The following ZNF578 variants were observed in gnomAD, a reference collection of about 807,000 sequenced individuals.
ZNF578 encodes zinc finger protein 578.
ZNF578 carries 8 observed loss-of-function variants against 8.3 expected under a neutral mutation model. The ratio of observed to expected loss-of-function variants is 0.96; its 90% CI spans 0.56 to 1.74. The LOEUF is 1.74. ZNF578 is among the 40% of genes most tolerant of loss of function. The probability of loss-of-function intolerance (pLI) is 0.00; values close to 1 mark genes in which losing one functional copy is unlikely to be tolerated. For missense variants in ZNF578, 726 were observed against 707.5 expected (o/e 1.03, Z -0.30); for synonymous variants, 206 against 232.2 (o/e 0.89, Z 1.03).
intron 2 of ZNF578, among the ~76,000 whole-genome samples, chr19:52,476,464 C>A (rs1407497441): frequency 6.6e-6 from 1 of 152,174 alleles, no homozygotes; most frequent in African/African-American, 2.4e-5. Flanking sequence ...CATCAGAAAT[C>A]CTGATGTCCT....
At chr19:52,458,167 T>G (rs1048745290) in intron 2 of ZNF578, 4 of 152,604 alleles carry the variant, frequency 2.6e-5, no homozygotes, top group Non-Finnish European at 5.9e-5. Flanking sequence ...AGAGGAAATC[T>G]TTTCTGCCTG....
chr19:52,462,167 T>G (rs1451417844), intron 2 of ZNF578, among the ~76,000 whole-genome samples: 1 of 152,218 alleles, frequency 6.6e-6, no homozygotes, highest in East Asian at 1.9e-4. Context: ...CACCTCTCTT[T>G]TCTGGTCTTA....
chr19:52,498,544 A>AAT (rs1300967160), intron 3 of ZNF578, among the ~76,000 whole-genome samples: 1 of 151,738 alleles, frequency 6.6e-6, no homozygotes, highest in East Asian at 1.9e-4. Flanking sequence ...TGTTAGCCAG[A>AAT]ATGGTAATTT....
chr19:52,465,303 G>T (rs1474794396), intron 2 of ZNF578, among the ~76,000 whole-genome samples: 1 of 152,198 alleles, frequency 6.6e-6, no homozygotes, highest in Non-Finnish European at 1.5e-5. Context: ...GGTTGAGGAG[G>T]TGGTGGCCAT....
rs3054902 is a variant in ZNF578, at chr19:52,469,167, GT to G, written c.-122+12222del. Among the ~76,000 whole-genome samples, 394 of 130,628 alleles carry G rather than the reference GT, an allele frequency of 3.0e-3. 3 individuals carry two copies. The highest frequency in any genetic ancestry group is 0.011 in the African/African-American group (370 of 34,854). The allele number at this position is 130,628 out of a possible 152,430, so 85.7% of individuals were successfully genotyped here. A position where few individuals can be genotyped will look rare whatever the true frequency, so the allele number is the denominator to read the frequency against. On this transcript the variant is annotated intron_variant, in intron 2 of 5. Transcript: ENST00000421239. ...TTGGTACCTGGAGTGGTTTTTTTTT[GT>G]TTTTTTTTTTTTGACAGGGTCTCAC...
At chr19:52,506,462 CTTTTTT>C (rs35676968) in intron 5 of ZNF578, among the ~76,000 whole-genome samples, 5 of 109,146 alleles carry the variant, frequency 4.6e-5, no homozygotes, top group South Asian at 3.5e-4. Context: ...AGTACAGTTT[CTTTTTT>C]TTTTTTTTTT....
chr19:52,466,336 C>G (rs1337765708), intron 2 of ZNF578, among the ~76,000 whole-genome samples: 1 of 152,154 alleles, frequency 6.6e-6, no homozygotes, highest in Non-Finnish European at 1.5e-5. Context: ...TCCTTGAACA[C>G]AATGTTTACA....
intron 3 of ZNF578, among the ~76,000 whole-genome samples, chr19:52,491,936 G>A (rs1158739422): frequency 2.0e-5 from 3 of 151,772 alleles, no homozygotes; most frequent in Non-Finnish European, 4.4e-5. Context: ...TGAGGAGGGC[G>A]GATCACGAAG....
chr19:52,508,437 C>A (rs2059432782), intron 5 of ZNF578, among the ~76,000 whole-genome samples: 1 of 152,012 alleles, frequency 6.6e-6, no homozygotes, highest in Non-Finnish European at 1.5e-5. Flanking sequence ...TTAGTCAACA[C>A]CCATGACCAA....
chr19:52,494,258 A>G (rs946847446), intron 3 of ZNF578, among the ~76,000 whole-genome samples: 96 of 152,246 alleles, frequency 6.3e-4, no homozygotes, highest in Non-Finnish European at 3.7e-4. Flanking sequence ...AGACTGAGGC[A>G]GAGGGATTGC....
At chr19:52,468,036 G>A (rs964661144) in intron 2 of ZNF578, among the ~76,000 whole-genome samples, 2 of 151,694 alleles carry the variant, frequency 1.3e-5, no homozygotes, top group Non-Finnish European at 2.9e-5. Context: ...CTTCATTTAT[G>A]TGCCCCCTAA....
intron 2 of ZNF578, among the ~76,000 whole-genome samples, chr19:52,464,925 CT>C (rs1353641709): frequency 1.3e-5 from 2 of 152,136 alleles, no homozygotes; most frequent in Non-Finnish European, 2.9e-5. Context: ...AGCAGCCCGT[CT>C]TTAGGGATCA....
chr19:52,475,732 A>G (rs148289132), intron 2 of ZNF578, among the ~76,000 whole-genome samples: 55 of 152,304 alleles, frequency 3.6e-4, no homozygotes, highest in African/African-American at 1.3e-3. Context: ...ACAGAGAACT[A>G]CTTTCTGAGG....
Position 52,511,470 on chromosome 19 carries a change from A to T in ZNF578, c.1089A>T (p.Arg363Ser). The T allele has an allele frequency of 6.2e-7, 1 of 1,614,146 alleles. No individual in the cohort carries two copies. The highest frequency in any genetic ancestry group is 8.5e-7 in the Non-Finnish European group (1 of 1,179,964). Reference protein sequence around the residue: ...SYKSSLRCHRRLHTGIKPYKC... With the variant: ...SYKSSLRCHRSLHTGIKPYKC... ...AGTCATCCCTTAGATGCCATCGTAG[A>T]CTTCATACTGGAATAAAACCTTACA... Residue 363 changes from arginine to serine, a missense_variant, in exon 6 of 6, where the codon AGA (arginine) becomes AGT (serine). By Grantham distance (110) the Arg-to-Ser change is moderately radical (BLOSUM62 -1). Coordinates refer to ENST00000421239, the MANE Select transcript of ZNF578 (RefSeq NM_001099694.2).
chr19:52,486,339 A>G (rs2059345503), intron 2 of ZNF578, among the ~76,000 whole-genome samples: 1 of 152,120 alleles, frequency 6.6e-6, no homozygotes, highest in Non-Finnish European at 1.5e-5. Context: ...ATACTGAGGG[A>G]ACTCAGAGAC....
chr19:52,460,845 T>G (rs1261067906), intron 2 of ZNF578, among the ~76,000 whole-genome samples: 2 of 152,156 alleles, frequency 1.3e-5, no homozygotes, highest in Non-Finnish European at 1.5e-5. Flanking sequence ...CTGAATTATA[T>G]TAATAGTAGT....
chr19:52,467,924 A>C (rs2059280544), intron 2 of ZNF578, among the ~76,000 whole-genome samples: 1 of 152,202 alleles, frequency 6.6e-6, no homozygotes, highest in Admixed American at 6.5e-5. Flanking sequence ...CTAATATAGT[A>C]TAAGTATTTC....
At chr19:52,500,795 CA>C (rs1336532552) in intron 3 of ZNF578, among the ~76,000 whole-genome samples, 1 of 151,850 alleles carries the variant, frequency 6.6e-6, no homozygotes, top group African/African-American at 2.4e-5. Flanking sequence ...AAGCAGTTCC[CA>C]GCTTGACTTT....
chr19:52,507,111 G>A (rs537608197), intron 5 of ZNF578, among the ~76,000 whole-genome samples: 9 of 152,270 alleles, frequency 5.9e-5, no homozygotes, highest in Non-Finnish European at 1.2e-4. Flanking sequence ...AAACTGGATG[G>A]TCGTGATGGC....
Sources: gnomAD v4.1 joint callset for allele counts (sites outside exome capture counted in the v4.1 genomes callset) on GRCh38, gnomAD v4.1.1 for gene constraint, MANE v1.5 for transcripts, NCBI Gene and HGNC (gene_info 2026-07-23, HGNC 2026-07-21) for gene names.